NUMB: variants seen among roughly 807,000 people sequenced by gnomAD.
NUMB encodes NUMB endocytic adaptor protein.
Under a neutral mutation model 59.7 loss-of-function variants are expected in NUMB, and 29 were observed. The observed-to-expected ratio is 0.49, with a 90% CI of 0.36 to 0.66. The LOEUF (loss-of-function observed/expected upper bound fraction) is 0.66. NUMB is among the 30% of genes least tolerant of loss of function. The pLI, the probability that NUMB is intolerant of heterozygous loss-of-function variation, is 0.00. For synonymous variants in NUMB, 288 were observed against 288.2 expected, an observed-to-expected ratio of 1.00 and a Z score of 0.01; for missense variants, 723 against 822.0, an observed-to-expected ratio of 0.88 and a Z score of 1.47.
intron 2 of NUMB, among the ~76,000 whole-genome samples, chr14:73,375,225 G>A (rs1156556277): frequency 6.6e-6 from 1 of 152,088 alleles, no homozygotes; most frequent in East Asian, 1.9e-4. Flanking sequence ...AATTGAGTTT[G>A]TTTGCACCCA....
chr14:73,295,529 A>G lies in NUMB; in HGVS notation c.309+1682T>C, dbSNP rs193282278. On this transcript the variant is annotated intron_variant, in intron 7 of 12. Coordinates refer to ENST00000555238, the MANE Select transcript of NUMB (RefSeq NM_001005743.2). Reference sequence around the variant, plus strand: ...AAAATGATCACTGTTTCCAACAGTAATGTACTAAAAGTGAAGACTATTGCT... The same window carrying G: ...AAAATGATCACTGTTTCCAACAGTAGTGTACTAAAAGTGAAGACTATTGCT... Among the ~76,000 whole-genome samples the G allele has an allele frequency of 1.3e-4, 20 of 152,360 alleles. No homozygotes were observed. The East Asian group carries it at 3.9e-3, about 29-fold the overall frequency.
chr14:73,279,602 A>G (rs1207159837), intron 11 of NUMB, among the ~76,000 whole-genome samples, 178 bp from the exon 12 acceptor site: 1 of 152,266 alleles, frequency 6.6e-6, no homozygotes, highest in Non-Finnish European at 1.5e-5. Flanking sequence ...TAGGCAAAGA[A>G]GCAATCAGAG....
Position 73,282,474 on chromosome 14 carries a change from G to C in NUMB, c.981C>G (p.Ile327Met). 1.2e-6 allele frequency: 2 copies of C among 1,614,034 alleles called. No individual in the cohort carries two copies. Among genetic ancestry groups the C allele is most frequent in the Non-Finnish European group, 8.5e-7 (1 of 1,179,964 alleles). Residue 327 changes from isoleucine (I) to methionine (M), a missense_variant, in exon 11 of 13, where the codon ATC becomes ATG. Around this residue, in one of 2 missense-constraint regions of NUMB, gnomAD observed 317 missense variants for 436.6 expected, o/e 0.73. Transcript: ENST00000555238. Reference sequence around the variant, plus strand: ...TGGTGATCTGTGAGCACAGGGAGCTGATGCTCTCTGCCTCCCCTTCTACTT... The same window carrying C: ...TGGTGATCTGTGAGCACAGGGAGCTCATGCTCTCTGCCTCCCCTTCTACTT... ...VPEVEGEAES[I>M]SSLCSQITNA...
chr14:73,444,855 C>CAAAAA (rs11370548), intron 1 of NUMB, among the ~76,000 whole-genome samples: 1 of 118,518 alleles, frequency 8.4e-6, no homozygotes, highest in Admixed American at 8.9e-5. Flanking sequence ...CACTCCGTCT[C>CAAAAA]AAAAAAAAAA....
chr14:73,416,530 A>C (rs1403930062), intron 1 of NUMB, among the ~76,000 whole-genome samples: 2 of 152,042 alleles, frequency 1.3e-5, no homozygotes, highest in Non-Finnish European at 2.9e-5. Flanking sequence ...ATGTATCCAA[A>C]ATAAATAAGT....
intron 2 of NUMB, among the ~76,000 whole-genome samples, chr14:73,407,429 G>A (rs562229465): frequency 2.6e-5 from 4 of 152,280 alleles, no homozygotes; most frequent in Admixed American, 1.3e-4. Flanking sequence ...AACAGAGCAA[G>A]ACCCTGTCTC....
intron 1 of NUMB, among the ~76,000 whole-genome samples, chr14:73,416,863 A>G (rs1480408705): frequency 6.6e-6 from 1 of 151,930 alleles, no homozygotes; most frequent in Non-Finnish European, 1.5e-5. Context: ...AATGGGAACA[A>G]GCATTCCTGT....
intron 6 of NUMB, chr14:73,298,081 GT>G (rs1889898696): frequency 6.6e-6 from 1 of 152,146 alleles, no homozygotes; most frequent in Admixed American, 6.5e-5. Context: ...TAGAGACGGA[GT>G]TTCACCATGT....
chr14:73,354,881 T>G (rs1322507446), intron 4 of NUMB, among the ~76,000 whole-genome samples: 1 of 145,846 alleles, frequency 6.9e-6, no homozygotes, highest in Non-Finnish European at 1.5e-5. Context: ...AATTAACATT[T>G]TATATCAAAC....
At chr14:73,303,861 GAGC>G (rs1268857446) in intron 6 of NUMB, among the ~76,000 whole-genome samples, 10 of 152,256 alleles carry the variant, frequency 6.6e-5, no homozygotes, top group African/African-American at 2.2e-4. Flanking sequence ...GGTGAAATCT[GAGC>G]AGAAGGATCA....
chr14:73,360,256 A>C (rs985707403), intron 3 of NUMB, among the ~76,000 whole-genome samples: 3 of 152,232 alleles, frequency 2.0e-5, no homozygotes, highest in Admixed American at 2.0e-4. Flanking sequence ...ACATGTTAGC[A>C]TATAAAGGTA....
chr14:73,340,445 C>G (rs993115676), intron 4 of NUMB, among the ~76,000 whole-genome samples: 2 of 152,190 alleles, frequency 1.3e-5, no homozygotes. Context: ...TCTCACATGC[C>G]TTGTCTCACA....
At chr14:73,282,608 G>A (rs763023544) in intron 10 of NUMB, 103 bp from the exon 11 acceptor site, 34 of 1,225,480 alleles carry the variant, frequency 2.8e-5, no homozygotes, top group Non-Finnish European at 3.4e-5. Context: ...TCCTGCTTAT[G>A]TAAGAAAAGG....
intron 4 of NUMB, among the ~76,000 whole-genome samples, chr14:73,340,419 TC>T (rs1892571650): frequency 6.6e-6 from 1 of 152,036 alleles, no homozygotes; most frequent in African/African-American, 2.4e-5. Flanking sequence ...GGCTTTCCCC[TC>T]CCCCAGTGTG....
chr14:73,406,873 T>C (rs559699584), intron 2 of NUMB, among the ~76,000 whole-genome samples: 1 of 152,310 alleles, frequency 6.6e-6, no homozygotes, highest in Admixed American at 6.5e-5. Context: ...CATGTGTCTG[T>C]TGGCTGCATT....
chr14:73,449,906 T>C (rs1238593553), intron 1 of NUMB, among the ~76,000 whole-genome samples: 1 of 152,238 alleles, frequency 6.6e-6, no homozygotes, highest in African/African-American at 2.4e-5. Context: ...CAGGCTGGTC[T>C]CGAACTCCTG....
At chr14:73,397,434 C>T (rs192448659) in intron 2 of NUMB, among the ~76,000 whole-genome samples, 19 of 152,272 alleles carry the variant, frequency 1.2e-4, no homozygotes, top group South Asian at 4.1e-4. Flanking sequence ...GTAGCATTTG[C>T]CAAATTCACT....
At chr14:73,432,309 CAG>C (rs1897867722) in intron 1 of NUMB, among the ~76,000 whole-genome samples, 2 of 151,712 alleles carry the variant, frequency 1.3e-5, no homozygotes, top group South Asian at 4.2e-4. Flanking sequence ...GTAAATAAGA[CAG>C]TGTAATATTG....
intron 2 of NUMB, among the ~76,000 whole-genome samples, chr14:73,406,186 C>T (rs1354661803): frequency 1.6e-4 from 24 of 150,744 alleles, no homozygotes; most frequent in Non-Finnish European, 2.9e-5. Flanking sequence ...CGTTGGTGTG[C>T]TGCACCTATT....
Sources: allele counts gnomAD v4.1 joint callset (sites outside exome capture counted in the v4.1 genomes callset), GRCh38; gene constraint gnomAD v4.1.1; regional missense constraint gnomAD v4.1.1; transcripts MANE v1.5; gene names NCBI Gene and HGNC (gene_info 2026-07-23, HGNC 2026-07-21).